SCN4A: variants seen among roughly 807,000 people sequenced by gnomAD.
SCN4A encodes the protein sodium channel protein type 4 subunit alpha.
Under a neutral mutation model 162.0 loss-of-function variants are expected in SCN4A, and 83 were observed. That is an observed-to-expected ratio of 0.51 (90% CI 0.43 to 0.61). The LOEUF is 0.61. SCN4A is among the 20% of genes least tolerant of loss of function. The probability of loss-of-function intolerance (pLI) is 0.00; values close to 1 mark genes in which losing one functional copy is unlikely to be tolerated. For missense variants in SCN4A, 2,196 were observed against 2,462.5 expected (o/e 0.89, Z 2.29); for synonymous variants, 944 against 985.1 (o/e 0.96, Z 0.78).
chr17:63,941,314 G>C lies in SCN4A; in HGVS notation c.4968C>G (p.Pro1656=). Residue 1656 remains proline (P), a synonymous_variant, in exon 24 of 24, where the codon CCC becomes CCG. Coordinates refer to ENST00000435607, the MANE Select transcript of SCN4A (RefSeq NM_000334.4). The surrounding 1 kb of genome is among the most constrained non-coding windows in gnomAD (Gnocchi z 6.2). The part of the protein sequence containing the change: ...TLQEPLRIAK[P]NKIKLITLDL... ...CCAGTGTGATGAGCTTGATCTTGTT[G>C]GGCTTGGCAATCCTCAGCGGTTCCT... 6.2e-7 allele frequency: 1 copy of C among 1,613,910 alleles called. No homozygotes were observed.
In SCN4A at chr17:63,949,582, C is replaced by T. The variant is rs1035062127; in HGVS notation, c.2854-54G>A. ...CTGGGTCCCTGAGAGACCCCCTCAT[C>T]CTCCTACCAGATGGGGCAGGATGGG... On this transcript the variant is annotated intron_variant, in intron 14 of 23. Coordinates refer to ENST00000435607, the MANE Select transcript of SCN4A (RefSeq NM_000334.4). 5 of 1,541,076 alleles carry T rather than the reference C, an allele frequency of 3.2e-6. No individual in the cohort carries two copies. In the African/African-American group the frequency reaches 6.8e-5, roughly 21 times the overall value.
At chr17:63,966,278 G>A (rs1017164809) in intron 7 of SCN4A, 35 bp from the exon 8 acceptor site, 4 of 1,590,870 alleles carry the variant, frequency 2.5e-6, no homozygotes, top group Non-Finnish European at 3.4e-6. Flanking sequence ...TTTAGGGTGG[G>A]AGGAGCACTC....
Position 63,950,433 on chromosome 17 carries a change from AGGCCCC to A in SCN4A, c.2854-911_2854-906del, listed in dbSNP as rs1183239167. Among the ~76,000 whole-genome samples, 2 of 152,224 alleles carry A rather than the reference AGGCCCC, an allele frequency of 1.3e-5. No homozygotes were observed. Among genetic ancestry groups the A allele is most frequent in the South Asian group, 4.1e-4 (2 of 4,826 alleles). ...GCTCGCCCTCCTTGAACAAGTCCCC[AGGCCCC>A]GGCCCCGGCCCCGGGGAGCCTGGGA... On this transcript the variant is annotated intron_variant, in intron 14 of 23. Transcript: ENST00000435607. This position sits in a 1 kb window ranked among gnomAD's most constrained non-coding sequence, Gnocchi z 4.6.
In SCN4A at chr17:63,968,355, C is replaced by T. The variant is rs1178316984; in HGVS notation, c.704G>A (p.Gly235Glu). The T allele has an allele frequency of 2.5e-6, 4 of 1,587,518 alleles. No homozygotes were observed. Among genetic ancestry groups the T allele is most frequent in the South Asian group, 2.3e-5 (2 of 86,398 alleles). ...CAGGGCCCCCACGATCGTCTTCAGC[C>T]CTGACCGCAGAGAGGGCAAGGATAT... ...RALKTITVIP[G>E]LKTIVGALIQ... Residue 235 changes from glycine (G) to glutamate (E), a missense_variant and splice_region_variant, in exon 6 of 24, where the codon GGG (glycine) becomes GAG (glutamate). Gly to Glu is a moderately conservative substitution (Grantham distance 98). Coordinates refer to ENST00000435607, the MANE Select transcript of SCN4A (RefSeq NM_000334.4).
intron 4 of SCN4A, 91 bp downstream of exon 4, chr17:63,971,631 C>T: frequency 3.3e-6 from 4 of 1,196,238 alleles, no homozygotes; most frequent in African/African-American, 1.5e-5. Context: ...ATGTCCCCTG[C>T]AGCCCTCAGC....
In SCN4A at chr17:63,966,200, G is replaced by C; in HGVS notation, c.1144C>G (p.Pro382Ala). The change falls in exon 8 of 24, where the codon CCC becomes GCC. Residue 382 changes from proline (P) to alanine (A), a missense_variant. By Grantham distance (27) the Pro-to-Ala change is conservative. Transcript: ENST00000435607. ...GYECIKTGRN[P>A]NYGYTSYDTF... Reference sequence around the variant, plus strand: ...TCATAGCTGGTGTAGCCATAGTTGGGGTTCCGCCCGGTCTTGATGCACTCA... The same window carrying C: ...TCATAGCTGGTGTAGCCATAGTTGGCGTTCCGCCCGGTCTTGATGCACTCA... The C allele has an allele frequency of 6.2e-7, 1 of 1,602,520 alleles. No homozygotes were observed. The highest frequency in any genetic ancestry group is 8.5e-7 in the Non-Finnish European group (1 of 1,174,652).
intron 13 of SCN4A, among the ~76,000 whole-genome samples, chr17:63,956,923 C>G (rs1254701442): frequency 6.6e-6 from 1 of 152,226 alleles, no homozygotes; most frequent in Non-Finnish European, 1.5e-5. Context: ...ATGCAGGTCC[C>G]CAGGCCTAGG....
rs767983434 is a variant in SCN4A, at chr17:63,941,467, T to A, written c.4815A>T (p.Thr1605=). ...CACCAAGGGGCTCGCTGCTCTCCTCTGTGGCCACATTGAAGTTCTCCAGGA... is the reference window on the plus strand; with the variant it reads ...CACCAAGGGGCTCGCTGCTCTCCTCAGTGGCCACATTGAAGTTCTCCAGGA... ...AIILENFNVA[T]EESSEPLGED... Residue 1605 remains threonine, a synonymous_variant, in exon 24 of 24, where the codon ACA becomes ACT. Coordinates refer to ENST00000435607, the MANE Select transcript of SCN4A (RefSeq NM_000334.4). The surrounding 1 kb of genome is among the most constrained non-coding windows in gnomAD (Gnocchi z 6.2). 3 of 1,614,180 alleles carry A rather than the reference T, an allele frequency of 1.9e-6. No homozygotes were observed. The East Asian group carries it at 6.7e-5, about 36-fold the overall frequency.
intron 22 of SCN4A, among the ~76,000 whole-genome samples, chr17:63,943,467 G>A (rs1908612521): frequency 6.6e-6 from 1 of 152,104 alleles, no homozygotes; most frequent in Non-Finnish European, 1.5e-5. Context: ...GGGGTCCCAG[G>A]TGGGAGGTAG....
rs1908676153 is a variant in SCN4A at position 63,945,279 on chromosome 17, CTG to C, written c.3720+79_3720+80del. The C allele has an allele frequency of 2.4e-6, 3 of 1,273,768 alleles. No individual in the cohort carries two copies. Among genetic ancestry groups the C allele is most frequent in the South Asian group, 2.7e-5 (2 of 73,908 alleles). 78.9% of individuals were successfully genotyped at this position (1,273,768 alleles called of 1,614,324 possible). ...GGCGGTCCCCTAACCAGGAGTGACA[CTG>C]GGGTTGGGTACAACGAGAGGACCGG... On this transcript the variant is annotated intron_variant, in intron 19 of 23. Transcript: ENST00000435607. The surrounding 1 kb of genome is among the most constrained non-coding windows in gnomAD (Gnocchi z 4.4).
At position 63,944,140 on chromosome 17, in the gene SCN4A, C is replaced by T. The variant is rs955342445; in HGVS notation, c.3913-290G>A. Among the ~76,000 whole-genome samples the T allele has an allele frequency of 6.6e-6, 1 of 151,872 alleles. No individual in the cohort carries two copies. Among genetic ancestry groups the T allele is most frequent in the South Asian group, 2.1e-4 (1 of 4,808 alleles). On this transcript the variant is annotated intron_variant, in intron 21 of 23. Transcript: ENST00000435607. This position sits in a 1 kb window ranked among gnomAD's most constrained non-coding sequence, Gnocchi z 4.3. ...CCCACAAGGCAGGTTGTAGCAGCCT[C>T]GTCTTTTTTTTTGTTGTTGAGATGG...
intron 13 of SCN4A, among the ~76,000 whole-genome samples, chr17:63,954,007 G>A (rs1293800015): frequency 6.6e-6 from 1 of 152,200 alleles, no homozygotes; most frequent in Non-Finnish European, 1.5e-5. Flanking sequence ...TGGCTGGGGT[G>A]AGGGTCCCAG....
Position 63,951,721 on chromosome 17 carries a change from C to G in SCN4A, c.2556G>C (p.Lys852Asn). Residue 852 changes from lysine (K) to asparagine (N), a missense_variant, in exon 14 of 24, where the codon AAG becomes AAC. Transcript: ENST00000435607. The surrounding 1 kb of genome is among the most constrained non-coding windows in gnomAD (Gnocchi z 4.5). ...CCTCCCCGAGGCTGAGCATGATGTCCTTGGGGCTCAGGATCTTGCCATGCA... is the reference window on the plus strand; with the variant it reads ...CCTCCCCGAGGCTGAGCATGATGTCGTTGGGGCTCAGGATCTTGCCATGCA... ...GLLHGKILSP[K>N]DIMLSLGEAD... is the part of the protein sequence containing the mutation. The G allele has an allele frequency of 6.3e-7, 1 of 1,594,190 alleles. No individual in the cohort carries two copies. The highest frequency in any genetic ancestry group is 8.5e-7 in the Non-Finnish European group (1 of 1,170,120).
Position 63,944,401 on chromosome 17 carries a change from G to A in SCN4A, c.3912+272C>T, listed in dbSNP as rs532419870. 3.9e-5 allele frequency among the ~76,000 whole-genome samples: 6 copies of A among 152,174 alleles called. No homozygotes were observed. The South Asian group carries it at 8.3e-4, about 21-fold the overall frequency. Reference sequence around the variant, plus strand: ...GAACTCCTGACCTTGTGATCCGCCCGCCTCGGCCTCCCAAAGTGCTGGGAT... The same window carrying A: ...GAACTCCTGACCTTGTGATCCGCCCACCTCGGCCTCCCAAAGTGCTGGGAT... On this transcript the variant is annotated intron_variant, in intron 21 of 23. Transcript: ENST00000435607. This position sits in a 1 kb window ranked among gnomAD's most constrained non-coding sequence, Gnocchi z 4.3.
chr17:63,972,777 C>T lies in SCN4A; in HGVS notation c.65G>A (p.Arg22Gln), dbSNP rs1413223155. The T allele has an allele frequency of 2.5e-6, 4 of 1,613,746 alleles. No individual in the cohort carries two copies. Among genetic ancestry groups the T allele is most frequent in the Non-Finnish European group, 3.4e-6 (4 of 1,179,822 alleles). ...LGPECLRPFT[R>Q]ESLAAIEQRA... is the part of the protein sequence containing the mutation. ...CTGTTCTATGGCTGCCAGTGACTCCCGGGTGAAGGGGCGCAAGCACTCAGG... is the reference window on the plus strand; with the variant it reads ...CTGTTCTATGGCTGCCAGTGACTCCTGGGTGAAGGGGCGCAAGCACTCAGG... Residue 22 changes from arginine to glutamine, a missense_variant, in exon 1 of 24, where the codon CGG (arginine) becomes CAG (glutamine). Arg to Gln is a conservative substitution (Grantham distance 43, BLOSUM62 1). Transcript: ENST00000435607. This position sits in a 1 kb window ranked among gnomAD's most constrained non-coding sequence, Gnocchi z 4.3.
intron 9 of SCN4A, 95 bp downstream of exon 9, chr17:63,964,373 C>T: frequency 8.9e-7 from 1 of 1,122,456 alleles, no homozygotes; most frequent in Non-Finnish European, 1.3e-6. Flanking sequence ...CTGTACCCTC[C>T]CTCACCCTCG....
At chr17:63,965,410 G>A (rs187354159) in intron 8 of SCN4A, among the ~76,000 whole-genome samples, 1 of 152,346 alleles carries the variant, frequency 6.6e-6, no homozygotes, top group African/African-American at 2.4e-5. Context: ...CATGGCATCA[G>A]AAGGCACTGT....
chr17:63,947,237 G>T, intron 17 of SCN4A, 70 bp from the exon 18 acceptor site: 2 of 1,589,616 alleles, frequency 1.3e-6, no homozygotes, highest in Non-Finnish European at 1.7e-6. Context: ...AGGCCACGGG[G>T]GTCTTCCTGG....
rs750906605 is a variant in SCN4A at position 63,959,333 on chromosome 17, T to G, written c.1951A>C (p.Thr651Pro). 6.2e-7 allele frequency: 1 copy of G among 1,613,874 alleles called. No individual in the cohort carries two copies. Among genetic ancestry groups the G allele is most frequent in the Admixed American group, 1.7e-5 (1 of 60,014 alleles). Reference protein sequence around the residue: ...GWNIFDSIIVTLSLVELGLAN... With the variant: ...GWNIFDSIIVPLSLVELGLAN... ...AGGCCTAGCTCTACCAGGCTGAGGG[T>G]GACGATGATGCTGTCGAAGATATTC... is the stretch of plus-strand genomic sequence containing the variant. Residue 651 changes from threonine to proline, a missense_variant, in exon 12 of 24, where the codon ACC (threonine) becomes CCC (proline). Coordinates refer to ENST00000435607, the MANE Select transcript of SCN4A (RefSeq NM_000334.4).
Sources: allele counts gnomAD v4.1 joint callset (sites outside exome capture counted in the v4.1 genomes callset), GRCh38; gene constraint gnomAD v4.1.1; non-coding constraint Gnocchi (gnomAD v3.1); transcripts MANE v1.5; gene names NCBI Gene and HGNC (gene_info 2026-07-23, HGNC 2026-07-21).